CMC1: variants seen among roughly 807,000 people sequenced by gnomAD.
CMC1 encodes C-X9-C motif containing 1.
CMC1 carries 14 observed loss-of-function variants against 14.1 expected under a neutral mutation model. The ratio of observed to expected loss-of-function variants is 0.99; its 90% CI spans 0.66 to 1.55. The LOEUF is 1.55. Ranked by LOEUF, CMC1 falls within the 40% of genes most tolerant of loss-of-function variation. CMC1 has a pLI of 0.00. For missense variants in CMC1, 127 were observed against 123.8 expected, an observed-to-expected ratio of 1.03 and a Z score of -0.12; for synonymous variants, 50 against 38.4, an observed-to-expected ratio of 1.30 and a Z score of -1.12.
At chr3:28,254,802 T>A (rs1699308055) in intron 1 of CMC1, among the ~76,000 whole-genome samples, 1 of 152,220 alleles carries the variant, frequency 6.6e-6, no homozygotes, top group African/African-American at 2.4e-5. Context: ...TTTTGTAAAT[T>A]TTGAAAAAAT....
chr3:28,272,335 A>G (rs548306692), intron 2 of CMC1, among the ~76,000 whole-genome samples: 1 of 152,186 alleles, frequency 6.6e-6, no homozygotes, highest in African/African-American at 2.4e-5. Context: ...TTGCTCATTC[A>G]GTATGATGTT....
chr3:28,302,087 G>C (rs1432368945), intron 2 of CMC1, among the ~76,000 whole-genome samples: 7 of 152,144 alleles, frequency 4.6e-5, no homozygotes, highest in Admixed American at 4.6e-4. Flanking sequence ...CAAGACAGCT[G>C]GTCCTGTCCA....
At position 28,324,431 on chromosome 3, in the gene CMC1, C is replaced by A; in HGVS notation, c.*4802C>A. 6.6e-7 allele frequency: 1 copy of A among 1,512,262 alleles called. No homozygotes were observed. Among genetic ancestry groups the A allele is most frequent in the Non-Finnish European group, 8.9e-7 (1 of 1,128,600 alleles). 93.7% of individuals were successfully genotyped at this position (1,512,262 alleles called of 1,614,324 possible). On this transcript the variant is annotated 3_prime_UTR_variant, in exon 4 of 4. Transcript: ENST00000466830. ...TTTGTGCTGTCTCTTCCAAGGTCTT[C>A]ACTGCATCCTACAGGGGCACAGGCT...
At chr3:28,242,178 T>C (rs1386138296) in intron 1 of CMC1, among the ~76,000 whole-genome samples, 1 of 152,230 alleles carries the variant, frequency 6.6e-6, no homozygotes, top group African/African-American at 2.4e-5. Context: ...GCGCACAGTT[T>C]TACATTTCTG....
intron 2 of CMC1, among the ~76,000 whole-genome samples, chr3:28,309,821 C>CCACACACACACACACACACA (rs57499697): frequency 3.1e-4 from 41 of 131,878 alleles, no homozygotes; most frequent in African/African-American, 1.1e-3. Context: ...CTGATATTTA[C>CCACACACACACACACACACA]CACACACACA....
At chr3:28,243,345 C>T (rs550103222) in intron 1 of CMC1, among the ~76,000 whole-genome samples, 12 of 152,180 alleles carry the variant, frequency 7.9e-5, no homozygotes, top group South Asian at 2.1e-4. Flanking sequence ...TGTGAGCCAC[C>T]GCACCCAGCC....
chr3:28,289,795 A>G (rs1701376028), intron 2 of CMC1, among the ~76,000 whole-genome samples: 1 of 152,150 alleles, frequency 6.6e-6, no homozygotes, highest in Admixed American at 6.5e-5. Context: ...AGGATATTCA[A>G]TTTATGTAAG....
In CMC1 at chr3:28,241,669, C is replaced by G. The variant is rs111337257; in HGVS notation, c.-125C>G. On this transcript the variant is annotated 5_prime_UTR_variant, in exon 1 of 4. Transcript: ENST00000466830. ...TCCTGGCGGTGCTTTGCAAAGGGCC[C>G]GTGTTTCTGTTGCGGGAAGCTCCCG... 2.5e-3 allele frequency: 3,081 copies of G among 1,234,684 alleles called. 18 individuals carry two copies. Among genetic ancestry groups the G allele is most frequent in the African/African-American group, 0.018 (1,136 of 64,438 alleles). 76.5% of individuals were successfully genotyped at this position (1,234,684 alleles called of 1,614,324 possible).
At chr3:28,272,037 T>C (rs1351417915) in intron 2 of CMC1, among the ~76,000 whole-genome samples, 2 of 152,146 alleles carry the variant, frequency 1.3e-5, no homozygotes, top group African/African-American at 4.8e-5. Flanking sequence ...CTATTTTTGG[T>C]GTATAGGAAT....
At chr3:28,253,609 C>T in intron 1 of CMC1, 2 of 381,856 alleles carry the variant, frequency 5.2e-6, no homozygotes. Context: ...CCAAAAAACC[C>T]CCCAAAAAAC....
chr3:28,245,753 T>A (rs914188646), intron 1 of CMC1, among the ~76,000 whole-genome samples: 31 of 152,184 alleles, frequency 2.0e-4, no homozygotes, highest in African/African-American at 7.0e-4. Context: ...AACATTTGGG[T>A]TGCAGTACTC....
chr3:28,305,779 ATTTTTTTT>A (rs71087685), intron 2 of CMC1, among the ~76,000 whole-genome samples: 12 of 43,534 alleles, frequency 2.8e-4, no homozygotes, highest in South Asian at 1.6e-3. Context: ...TTTCATAGGA[ATTTTTTTT>A]TTTTTTTTTT....
At chr3:28,279,316 C>A (rs1028935790) in intron 2 of CMC1, among the ~76,000 whole-genome samples, 3 of 152,026 alleles carry the variant, frequency 2.0e-5, no homozygotes, top group African/African-American at 7.2e-5. Context: ...TGCATGCATA[C>A]TCAAAGTAAA....
At chr3:28,309,096 A>G (rs550362854) in intron 2 of CMC1, among the ~76,000 whole-genome samples, 5 of 152,144 alleles carry the variant, frequency 3.3e-5, no homozygotes, top group South Asian at 4.2e-4. Context: ...CTGGTGCCAC[A>G]TAGTCCTCTG....
chr3:28,257,313 A>G (rs546069569), intron 1 of CMC1, among the ~76,000 whole-genome samples: 2 of 152,268 alleles, frequency 1.3e-5, no homozygotes, highest in East Asian at 3.9e-4. Context: ...TTAACTTTGC[A>G]TGTCCTTGAA....
At chr3:28,305,037 C>G (rs1702237541) in intron 2 of CMC1, among the ~76,000 whole-genome samples, 1 of 152,104 alleles carries the variant, frequency 6.6e-6, no homozygotes, top group South Asian at 2.1e-4. Context: ...GTCACCCAAA[C>G]AGTGATCATA....
intron 1 of CMC1, among the ~76,000 whole-genome samples, chr3:28,256,707 G>C (rs1024165594): frequency 6.6e-6 from 1 of 152,164 alleles, no homozygotes; most frequent in African/African-American, 2.4e-5. Flanking sequence ...AGGGAGGAGA[G>C]TCATAGGCAA....
chr3:28,299,213 A>G (rs1701897354), intron 2 of CMC1, among the ~76,000 whole-genome samples: 2 of 152,118 alleles, frequency 1.3e-5, no homozygotes, highest in Admixed American at 6.6e-5. Flanking sequence ...TATCCATGCT[A>G]TGGTAGAGTA....
At position 28,320,272 on chromosome 3, in the gene CMC1, A is replaced by G. The variant is rs190261592; in HGVS notation, c.*643A>G. On this transcript the variant is annotated 3_prime_UTR_variant, in exon 4 of 4. Transcript: ENST00000466830. ...CTGTTGCTATGGGAGAATACCCAAGACCAGGTAATTTATAAGAAAAGTTTG... is the reference window on the plus strand; with the variant it reads ...CTGTTGCTATGGGAGAATACCCAAGGCCAGGTAATTTATAAGAAAAGTTTG... The G allele has an allele frequency of 5.9e-5, 9 of 151,734 alleles. No homozygotes were observed. The highest frequency in any genetic ancestry group is 5.3e-4 in the Admixed American group (8 of 15,186). 9.4% of individuals were successfully genotyped at this position (151,734 alleles called of 1,614,324 possible). A position where few individuals can be genotyped will look rare whatever the true frequency, so the allele number is the denominator to read the frequency against.
Sources: allele counts gnomAD v4.1 joint callset (sites outside exome capture counted in the v4.1 genomes callset), GRCh38; gene constraint gnomAD v4.1.1; transcripts MANE v1.5; gene names NCBI Gene and HGNC (gene_info 2026-07-23, HGNC 2026-07-21).